ATP1A1: variants seen among roughly 807,000 people sequenced by gnomAD.
ATP1A1 encodes sodium/potassium-transporting ATPase subunit alpha-1.
A neutral mutation model predicts 114.8 loss-of-function variants in ATP1A1; 14 were observed. The observed-to-expected ratio is 0.12, with a 90% CI of 0.08 to 0.19. ATP1A1 has a LOEUF of 0.19. Among genes scored for constraint, ATP1A1 ranks in the 10% least tolerant of loss-of-function variants. ATP1A1 has a pLI of 1.00. For synonymous variants in ATP1A1, 471 were observed against 466.3 expected, an observed-to-expected ratio of 1.01 and a Z score of -0.13; for missense variants, 524 against 1,290.7, an observed-to-expected ratio of 0.41 and a Z score of 9.10.
chr1:116,390,460 GT>G (rs749040188), intron 9 of ATP1A1, 49 bp downstream of exon 9: 14 of 1,470,810 alleles, frequency 9.5e-6, no homozygotes, highest in Non-Finnish European at 1.3e-5. Context: ...ACTTCGCTTG[GT>G]TTTTTTTCTT....
chr1:116,391,925 G>A (rs565363154), intron 10 of ATP1A1, among the ~76,000 whole-genome samples: 3 of 152,246 alleles, frequency 2.0e-5, no homozygotes, highest in South Asian at 2.1e-4. Flanking sequence ...ACTAAAAAGC[G>A]GGGAGGGAGA....
chr1:116,384,982 C>T lies in ATP1A1; in HGVS notation c.183+140C>T. Reference sequence around the variant, plus strand: ...ATCTGCGTATCTACCATGTGACATGCACAGAATTTGGGCATTTATATGCTA... The same window carrying T: ...ATCTGCGTATCTACCATGTGACATGTACAGAATTTGGGCATTTATATGCTA... On this transcript the variant is annotated intron_variant, in intron 3 of 22. Transcript: ENST00000295598. The surrounding 1 kb of genome is among the most constrained non-coding windows in gnomAD (Gnocchi z 5.1). 1 of 802,020 alleles carries T rather than the reference C, an allele frequency of 1.2e-6. No individual in the cohort carries two copies. Among genetic ancestry groups the T allele is most frequent in the Non-Finnish European group, 2.0e-6 (1 of 489,958 alleles). 49.7% of individuals were successfully genotyped at this position (802,020 alleles called of 1,614,324 possible).
rs1031245792 is a variant in ATP1A1, at chr1:116,395,930, T to G, written c.1836+645T>G. Among the ~76,000 whole-genome samples the G allele has an allele frequency of 6.6e-6, 1 of 152,078 alleles. No individual in the cohort carries two copies. Among genetic ancestry groups the G allele is most frequent in the Non-Finnish European group, 1.5e-5 (1 of 68,014 alleles). On this transcript the variant is annotated intron_variant, in intron 13 of 22. Coordinates refer to ENST00000295598, the MANE Select transcript of ATP1A1 (RefSeq NM_000701.8). This position sits in a 1 kb window ranked among gnomAD's most constrained non-coding sequence, Gnocchi z 6.4. ...CCACGCCCAGCTAATTTTTGTATTT[T>G]TAAGTAAAGATAGGGTTTCGCCACG...
At position 116,398,137 on chromosome 1, in the gene ATP1A1, T is replaced by C; in HGVS notation, c.2124+99T>C. 9 of 1,492,870 alleles carry C rather than the reference T, an allele frequency of 6.0e-6. No homozygotes were observed. Among genetic ancestry groups the C allele is most frequent in the Non-Finnish European group, 7.3e-6 (8 of 1,099,494 alleles). The allele number at this position is 1,492,870 out of a possible 1,614,324, so 92.5% of individuals were successfully genotyped here. On this transcript the variant is annotated intron_variant, in intron 15 of 22. Coordinates refer to ENST00000295598, the MANE Select transcript of ATP1A1 (RefSeq NM_000701.8). This position sits in a 1 kb window ranked among gnomAD's most constrained non-coding sequence, Gnocchi z 6.1. The stretch of plus-strand genomic sequence containing the variant: ...CAACGGTGATGGATGGATGCATACC[T>C]CGCTGTATTAGACTCAGTATAAATA...
At chr1:116,392,686 C>T (rs570918949) in intron 10 of ATP1A1, 168 bp from the exon 11 acceptor site, 14 of 712,934 alleles carry the variant, frequency 2.0e-5, no homozygotes, top group East Asian at 3.0e-5. Flanking sequence ...CAGCAGTGGT[C>T]GGGGCTAGAG....
chr1:116,401,484 A>C lies in ATP1A1; in HGVS notation c.2850-70A>C. 6.6e-7 allele frequency: 1 copy of C among 1,519,450 alleles called. No homozygotes were observed. Among genetic ancestry groups the C allele is most frequent in the South Asian group, 1.1e-5 (1 of 86,984 alleles). 94.1% of individuals were successfully genotyped at this position (1,519,450 alleles called of 1,614,324 possible). Reference sequence around the variant, plus strand: ...CATAAAGATGTTGATCTGCCATTTTAATGCATAGCATTAGAAGATAAACCT... The same window carrying C: ...CATAAAGATGTTGATCTGCCATTTTCATGCATAGCATTAGAAGATAAACCT... On this transcript the variant is annotated intron_variant, in intron 20 of 22. Coordinates refer to ENST00000295598, the MANE Select transcript of ATP1A1 (RefSeq NM_000701.8). This position sits in a 1 kb window ranked among gnomAD's most constrained non-coding sequence, Gnocchi z 4.7.
intron 1 of ATP1A1, chr1:116,383,520 A>G (rs560913281): frequency 3.1e-6 from 1 of 318,934 alleles, no homozygotes; most frequent in East Asian, 1.7e-4. Context: ...ATTGAAATGT[A>G]GAAGTTAGTA....
chr1:116,384,771 G>T lies in ATP1A1; in HGVS notation c.124-12G>T. 6.3e-7 allele frequency: 1 copy of T among 1,599,766 alleles called. No individual in the cohort carries two copies. The highest frequency in any genetic ancestry group is 8.5e-7 in the Non-Finnish European group (1 of 1,174,626). On this transcript the variant is annotated splice_polypyrimidine_tract_variant and intron_variant, in intron 2 of 22. Transcript: ENST00000295598. This position sits in a 1 kb window ranked among gnomAD's most constrained non-coding sequence, Gnocchi z 5.1. ...CTGTTTAACTATTTTCTTTGTTTCTGTTTTCCCTTAGGATGATCATAAACT... is the reference window on the plus strand; with the variant it reads ...CTGTTTAACTATTTTCTTTGTTTCTTTTTTCCCTTAGGATGATCATAAACT...
Position 116,395,033 on chromosome 1 carries a change from G to A in ATP1A1, c.1661-77G>A, listed in dbSNP as rs1241826919. On this transcript the variant is annotated intron_variant, in intron 12 of 22. Transcript: ENST00000295598. The surrounding 1 kb of genome is among the most constrained non-coding windows in gnomAD (Gnocchi z 6.4). ...GTAAACACTCCAGAGAAAGGTAGGC[G>A]GGCTGAATAGGCTGCTGTTGTCCTT... 1.6e-5 allele frequency: 23 copies of A among 1,441,544 alleles called. No individual in the cohort carries two copies. Among genetic ancestry groups the A allele is most frequent in the East Asian group, 4.8e-5 (2 of 41,744 alleles). The allele number at this position is 1,441,544 out of a possible 1,614,324, so 89.3% of individuals were successfully genotyped here.
rs1417602127 is a variant in ATP1A1, at chr1:116,384,608, C to A, written c.124-175C>A. 1.3e-5 allele frequency among the ~76,000 whole-genome samples: 2 copies of A among 152,228 alleles called. No individual in the cohort carries two copies. Among genetic ancestry groups the A allele is most frequent in the African/African-American group, 2.4e-5 (1 of 41,464 alleles). ...TCCAGTGAAGAGCTGTCAATGATAA[C>A]TGTGTGGTTGCAAAGCCACAAAGCG... On this transcript the variant is annotated intron_variant, in intron 2 of 22. Coordinates refer to ENST00000295598, the MANE Select transcript of ATP1A1 (RefSeq NM_000701.8). The surrounding 1 kb of genome is among the most constrained non-coding windows in gnomAD (Gnocchi z 5.1).
At chr1:116,374,805 T>C (rs2101027237) in intron 1 of ATP1A1, among the ~76,000 whole-genome samples, 1 of 152,286 alleles carries the variant, frequency 6.6e-6, no homozygotes, top group South Asian at 2.1e-4. Flanking sequence ...CCCTGAGGCT[T>C]CTGGGTGTAG....
At position 116,393,422 on chromosome 1, in the gene ATP1A1, T is replaced by A; in HGVS notation, c.1468-109T>A. 8.1e-7 allele frequency: 1 copy of A among 1,241,966 alleles called. No individual in the cohort carries two copies. The highest frequency in any genetic ancestry group is 1.1e-6 in the Non-Finnish European group (1 of 895,216). The allele number at this position is 1,241,966 out of a possible 1,614,324, so 76.9% of individuals were successfully genotyped here. A position where few individuals can be genotyped will look rare whatever the true frequency, so the allele number is the denominator to read the frequency against. ...TACTTCAGAGTTCAGAAAGAAGGGA[T>A]CTTGGGTCTTTTATAGCAAATACTA... On this transcript the variant is annotated intron_variant, in intron 11 of 22. Transcript: ENST00000295598. The surrounding 1 kb of genome is among the most constrained non-coding windows in gnomAD (Gnocchi z 5.0).
In ATP1A1 at chr1:116,396,634, A is replaced by G; in HGVS notation, c.1873A>G (p.Lys625Glu). The change falls in exon 14 of 23, where the codon AAA becomes GAA. Residue 625 changes from lysine to glutamate, a missense_variant. By Grantham distance (56) the Lys-to-Glu change is moderately conservative. Around this residue, in one of 8 missense-constraint regions of ATP1A1, gnomAD observed 12 missense variants for 63.1 expected, o/e 0.19. Coordinates refer to ENST00000295598, the MANE Select transcript of ATP1A1 (RefSeq NM_000701.8). ...CACAGGAGACCATCCAATCACAGCT[A>G]AAGCTATTGCCAAAGGTGTGGGCAT... The part of the protein sequence containing the change: ...MVTGDHPITA[K>E]AIAKGVGIIS... 6.2e-7 allele frequency: 1 copy of G among 1,613,900 alleles called. No individual in the cohort carries two copies. Among genetic ancestry groups the G allele is most frequent in the Non-Finnish European group, 8.5e-7 (1 of 1,179,888 alleles).
rs1653470478 is a variant in ATP1A1 at position 116,401,448 on chromosome 1, T to TA, written c.2850-105dup. ...TTCATCTGACCTCCAAGTTTTCAAG[T>TA]ACAGCTAATACATAAAGATGTTGAT... On this transcript the variant is annotated intron_variant, in intron 20 of 22. Coordinates refer to ENST00000295598, the MANE Select transcript of ATP1A1 (RefSeq NM_000701.8). The surrounding 1 kb of genome is among the most constrained non-coding windows in gnomAD (Gnocchi z 4.7). 2.8e-6 allele frequency: 4 copies of TA among 1,404,416 alleles called. No individual in the cohort carries two copies. Among genetic ancestry groups the TA allele is most frequent in the Non-Finnish European group, 3.0e-6 (3 of 1,014,370 alleles). The allele number at this position is 1,404,416 out of a possible 1,614,324, so 87.0% of individuals were successfully genotyped here.
Position 116,373,377 on chromosome 1 carries a change from C to CCCCCCCCCCCCCCCCCCCCCCCCA in ATP1A1, c.-135_-134insCCCCCCCCCCCCCCCCCCCCCCCA. ...CCGAGCCGCCGGCCGCCCTCCCACC[C>CCCCCCCCCCCCCCCCCCCCCCCCA]TCCCGCCCCGCGGCAGCCCTAGCTC... On this transcript the variant is annotated 5_prime_UTR_variant, in exon 1 of 23. Coordinates refer to ENST00000295598, the MANE Select transcript of ATP1A1 (RefSeq NM_000701.8). 1.9e-6 allele frequency: 1 copy of CCCCCCCCCCCCCCCCCCCCCCCCA among 523,228 alleles called. No individual in the cohort carries two copies. The highest frequency in any genetic ancestry group is 5.1e-5 in the Admixed American group (1 of 19,758). The allele number at this position is 523,228 out of a possible 1,614,324, so 32.4% of individuals were successfully genotyped here. A position where few individuals can be genotyped will look rare whatever the true frequency, so the allele number is the denominator to read the frequency against.
rs904971016 is a variant in ATP1A1, at chr1:116,399,785, C to G, written c.2572+242C>G. Reference sequence around the variant, plus strand: ...GTTTTCTATACTGAGCACCTTGGAACTGGGCTCAACTCTGCCTGAGAAATG... The same window carrying G: ...GTTTTCTATACTGAGCACCTTGGAAGTGGGCTCAACTCTGCCTGAGAAATG... On this transcript the variant is annotated intron_variant, in intron 18 of 22. Transcript: ENST00000295598. This position sits in a 1 kb window ranked among gnomAD's most constrained non-coding sequence, Gnocchi z 5.0. Among the ~76,000 whole-genome samples, 1 of 152,200 alleles carries G rather than the reference C, an allele frequency of 6.6e-6. No individual in the cohort carries two copies. The highest frequency in any genetic ancestry group is 2.4e-5 in the African/African-American group (1 of 41,460).
intron 1 of ATP1A1, among the ~76,000 whole-genome samples, chr1:116,380,104 C>G (rs1284611392): frequency 6.6e-6 from 1 of 152,156 alleles, no homozygotes; most frequent in Non-Finnish European, 1.5e-5. Flanking sequence ...GGTTTCTTGA[C>G]TAATCAGACT....
rs1488784101 is a variant in ATP1A1 at position 116,373,256 on chromosome 1, G to T, written c.-256G>T. The T allele has an allele frequency of 1.6e-5, 6 of 365,272 alleles. No homozygotes were observed. The highest frequency in any genetic ancestry group is 2.4e-5 in the Non-Finnish European group (5 of 204,874). 22.6% of individuals were successfully genotyped at this position (365,272 alleles called of 1,614,324 possible). On this transcript the variant is annotated 5_prime_UTR_variant, in exon 1 of 23. Transcript: ENST00000295598. ...GGAGGCGCGGGCTGGAGCTGCGGCG[G>T]GGTCTGGGGCGCAGAGCAGCGGCGG...
chr1:116,393,043 G>C lies in ATP1A1; in HGVS notation c.1467+55G>C, dbSNP rs1652599735. 6.2e-7 allele frequency: 1 copy of C among 1,600,258 alleles called. No homozygotes were observed. The highest frequency in any genetic ancestry group is 8.5e-7 in the Non-Finnish European group (1 of 1,172,400). On this transcript the variant is annotated intron_variant, in intron 11 of 22. Transcript: ENST00000295598. This position sits in a 1 kb window ranked among gnomAD's most constrained non-coding sequence, Gnocchi z 5.0. ...GAGGGCAAGCTGGGGGACAAAGAGG[G>C]GAGGTACATGAGCAGGAAGAGGAAA...
Sources: gnomAD v4.1 joint callset for allele counts (sites outside exome capture counted in the v4.1 genomes callset) on GRCh38, gnomAD v4.1.1 for gene constraint, gnomAD v4.1.1 regional missense constraint, Gnocchi (gnomAD v3.1) non-coding constraint, MANE v1.5 for transcripts, NCBI Gene and HGNC (gene_info 2026-07-23, HGNC 2026-07-21) for gene names.